Variants in SLC5A4 observed in about 807,000 individuals in gnomAD.
SLC5A4 encodes the protein solute carrier family 5 member 4, also known as probable glucose sensor protein SLC5A4.
Under a neutral mutation model 70.3 loss-of-function variants are expected in SLC5A4, and 55 were observed. The observed-to-expected ratio is 0.78, with a 90% CI of 0.63 to 0.98. The LOEUF (loss-of-function observed/expected upper bound fraction) is 0.98, where lower values mean the gene tolerates loss of function less well. Ranked by LOEUF, SLC5A4 falls within the 50% of genes least tolerant of loss-of-function variation. The pLI, the probability that SLC5A4 is intolerant of heterozygous loss-of-function variation, is 0.00. For missense variants in SLC5A4, 735 were observed against 839.2 expected (o/e 0.88, Z 1.53); for synonymous variants, 268 against 305.7 (o/e 0.88, Z 1.29).
At chr22:32,273,278 C>T in the SLC5A4 span, 2 of 291,586 alleles carry the variant, frequency 6.9e-6, no homozygotes, top group South Asian at 6.6e-5. Flanking sequence ...AAAATTTACC[C>T]TGAGAAGATA....
chr22:32,306,103 C>G, the SLC5A4 span, among the ~76,000 whole-genome samples: 2 of 152,144 alleles, frequency 1.3e-5, no homozygotes, highest in African/African-American at 2.4e-5. Context: ...AACATTGAAG[C>G]AAACGTCAAT....
At chr22:32,230,495 A>G (rs1925685092) in intron 10 of SLC5A4, among the ~76,000 whole-genome samples, 1 of 152,188 alleles carries the variant, frequency 6.6e-6, no homozygotes, top group African/African-American at 2.4e-5. Flanking sequence ...GGCACTTAGT[A>G]GGCACTCAAT....
the SLC5A4 span, chr22:32,270,152 C>T: frequency 9.1e-4 from 562 of 617,262 alleles, no homozygotes; most frequent in African/African-American, 9.0e-3. Context: ...TTGAAGTGTA[C>T]GGCAGCGACG....
At chr22:32,308,817 C>G in the SLC5A4 span, among the ~76,000 whole-genome samples, 2 of 152,132 alleles carry the variant, frequency 1.3e-5, no homozygotes, top group African/African-American at 4.8e-5. Flanking sequence ...TGTGCATGCA[C>G]AGCTGGGTGT....
At chr22:32,341,277 G>A in the SLC5A4 span, among the ~76,000 whole-genome samples, 1 of 152,090 alleles carries the variant, frequency 6.6e-6, no homozygotes, top group African/African-American at 2.4e-5. Context: ...AAGTTAAAGG[G>A]AAGAGCCCTG....
the SLC5A4 span, among the ~76,000 whole-genome samples, chr22:32,324,236 C>T: frequency 6.2e-5 from 9 of 145,402 alleles, no homozygotes; most frequent in South Asian, 2.1e-4. Context: ...TATGTGTATA[C>T]ATATGTATGT....
the SLC5A4 span, among the ~76,000 whole-genome samples, chr22:32,320,581 G>C: frequency 2.0e-5 from 3 of 152,166 alleles, no homozygotes; most frequent in Non-Finnish European, 4.4e-5. Flanking sequence ...CCTTTCCTGG[G>C]TGTTAGTCAT....
the SLC5A4 span, among the ~76,000 whole-genome samples, chr22:32,292,391 G>T: frequency 6.8e-6 from 1 of 146,128 alleles, no homozygotes; most frequent in African/African-American, 2.5e-5. Context: ...GTACATACTA[G>T]ATATATATTT....
chr22:32,241,910 G>A (rs1285592278), intron 5 of SLC5A4, among the ~76,000 whole-genome samples: 1 of 150,942 alleles, frequency 6.6e-6, no homozygotes, highest in African/African-American at 2.4e-5. Context: ...TGACTTGGAG[G>A]GCCAGGATTC....
the SLC5A4 span, among the ~76,000 whole-genome samples, chr22:32,340,055 T>C: frequency 2.0e-5 from 3 of 152,216 alleles, no homozygotes; most frequent in Admixed American, 6.5e-5. Context: ...CTCTTCCCAG[T>C]AGAAGGATGT....
In SLC5A4 at chr22:32,238,990, G is replaced by T; in HGVS notation, c.578C>A (p.Thr193Asn). ...ILLAMTAVYT[T>N]TGGLASVIYT... ...AAAATATGCAACATACTTACCAGTG[G>T]TGGTGTAAACAGCAGTCATAGCCAA... Residue 193 changes from threonine to asparagine, a missense_variant, in exon 6 of 15, where the codon ACC (threonine) becomes AAC (asparagine). Transcript: ENST00000266086. The T allele has an allele frequency of 6.2e-7, 1 of 1,609,742 alleles. No homozygotes were observed. The highest frequency in any genetic ancestry group is 1.1e-5 in the South Asian group (1 of 91,000).
chr22:32,257,807 A>C (rs1927569048), upstream of SLC5A4, among the ~76,000 whole-genome samples: 1 of 151,686 alleles, frequency 6.6e-6, no homozygotes, highest in Non-Finnish European at 1.5e-5. Context: ...CTGGGATTAC[A>C]GAAACACACC....
At chr22:32,309,106 T>A in the SLC5A4 span, among the ~76,000 whole-genome samples, 1 of 151,996 alleles carries the variant, frequency 6.6e-6, no homozygotes, top group South Asian at 2.1e-4. Flanking sequence ...ACAGGTGAGG[T>A]GGGTGAGCAG....
the SLC5A4 span, among the ~76,000 whole-genome samples, chr22:32,275,481 C>T: frequency 6.6e-6 from 1 of 152,090 alleles, no homozygotes; most frequent in Non-Finnish European, 1.5e-5. Context: ...GGTTTTTTGT[C>T]CTTGCGATAG....
At chr22:32,281,592 A>AC in the SLC5A4 span, among the ~76,000 whole-genome samples, 2 of 151,912 alleles carry the variant, frequency 1.3e-5, no homozygotes, top group East Asian at 3.9e-4. Context: ...GCAGTGGTCC[A>AC]ATCACAGCTC....
At chr22:32,301,911 T>C in the SLC5A4 span, among the ~76,000 whole-genome samples, 1 of 151,950 alleles carries the variant, frequency 6.6e-6, no homozygotes, top group African/African-American at 2.4e-5. Flanking sequence ...AATTACAAAT[T>C]GTACTGACAA....
At chr22:32,286,809 GAGC>G in the SLC5A4 span, among the ~76,000 whole-genome samples, 2 of 152,210 alleles carry the variant, frequency 1.3e-5, no homozygotes, top group Admixed American at 1.3e-4. Flanking sequence ...GCTAGTTTGT[GAGC>G]AGCAATAAAG....
chr22:32,270,498 G>A, the SLC5A4 span: 14 of 746,072 alleles, frequency 1.9e-5, no homozygotes, highest in African/African-American at 3.5e-5. Context: ...CCCCCGAAGC[G>A]GACAATGACC....
the SLC5A4 span, among the ~76,000 whole-genome samples, chr22:32,305,742 G>A: frequency 2.0e-5 from 3 of 151,044 alleles, no homozygotes; most frequent in Non-Finnish European, 2.9e-5. Context: ...TGGTTACTCT[G>A]TCCCCTTGCC....
Sources: gnomAD v4.1 joint callset for allele counts (sites outside exome capture counted in the v4.1 genomes callset) on GRCh38, gnomAD v4.1.1 for gene constraint, MANE v1.5 for transcripts, NCBI Gene and HGNC (gene_info 2026-07-23, HGNC 2026-07-21) for gene names.